DCAF17: variants seen among roughly 807,000 people sequenced by gnomAD.
DCAF17 encodes the protein DDB1- and CUL4-associated factor 17.
DCAF17 carries 48 observed loss-of-function variants against 66.0 expected under a neutral mutation model. The observed-to-expected ratio is 0.73, with a 90% confidence interval of 0.58 to 0.92. The LOEUF (loss-of-function observed/expected upper bound fraction) is 0.92, where lower values mean the gene tolerates loss of function less well. DCAF17 is among the 40% of genes least tolerant of loss of function. DCAF17 has a pLI of 0.00. For missense variants in DCAF17, 562 were observed against 622.8 expected (o/e 0.90, Z 1.04); for synonymous variants, 206 against 214.6 (o/e 0.96, Z 0.35).
chr2:171,466,680 G>A (rs1265230474), intron 8 of DCAF17, among the ~76,000 whole-genome samples: 1 of 149,584 alleles, frequency 6.7e-6, no homozygotes, highest in Non-Finnish European at 1.5e-5. Flanking sequence ...GTCATTTTTT[G>A]CATTTACTGG....
chr2:171,439,275 G>T (rs903921617), intron 2 of DCAF17, among the ~76,000 whole-genome samples: 12 of 151,124 alleles, frequency 7.9e-5, no homozygotes, highest in Non-Finnish European at 1.6e-4. Context: ...TCTTCCTTCT[G>T]GTATTCCCAT....
At chr2:171,448,643 A>G (rs1380319002) in intron 3 of DCAF17, 38 bp from the exon 4 acceptor site, 1 of 1,520,064 alleles carries the variant, frequency 6.6e-7, no homozygotes, top group Non-Finnish European at 8.8e-7. Context: ...GTTCATGGCC[A>G]AGCAGTTTCA....
intron 5 of DCAF17, 121 bp downstream of exon 5, chr2:171,450,078 C>A: frequency 1.2e-6 from 1 of 839,988 alleles, no homozygotes; most frequent in Non-Finnish European, 2.0e-6. Context: ...AGATAGGATT[C>A]ACGGCAACCT....
intron 2 of DCAF17, 136 bp downstream of exon 2, chr2:171,435,322 T>TA: frequency 4.3e-6 from 3 of 698,272 alleles, no homozygotes; most frequent in East Asian, 2.7e-5. Context: ...GACTAGGCAG[T>TA]AAAAAATGCA....
intron 2 of DCAF17, 98 bp from the exon 3 acceptor site, chr2:171,443,425 G>A (rs1358877703): frequency 2.2e-6 from 2 of 900,152 alleles, no homozygotes; most frequent in Non-Finnish European, 3.5e-6. Context: ...ATTGTGCCTT[G>A]GTATTTCACA....
chr2:171,461,084 G>A (rs973573008), intron 8 of DCAF17, among the ~76,000 whole-genome samples: 1 of 152,094 alleles, frequency 6.6e-6, no homozygotes, highest in Admixed American at 6.6e-5. Flanking sequence ...TATACAAATA[G>A]TATTTATTTT....
chr2:171,446,024 G>A (rs1040579225), intron 3 of DCAF17, among the ~76,000 whole-genome samples: 34 of 151,962 alleles, frequency 2.2e-4, no homozygotes, highest in Admixed American at 1.5e-3. Context: ...TAGATAAGAC[G>A]TTGTAGAATA....
intron 5 of DCAF17, 84 bp from the exon 6 acceptor site, chr2:171,453,040 C>A (rs1695042675): frequency 1.1e-6 from 1 of 930,294 alleles, no homozygotes; most frequent in Admixed American, 2.2e-5. Flanking sequence ...CATGCTAGAA[C>A]AGATGGATTT....
Position 171,453,115 on chromosome 2 carries a change from T to C in DCAF17, c.538-9T>C, listed in dbSNP as rs984927195. On this transcript the variant is annotated splice_polypyrimidine_tract_variant and intron_variant, in intron 5 of 13. Coordinates refer to ENST00000375255, the MANE Select transcript of DCAF17 (RefSeq NM_025000.4). ...GAGAGCTGCGTGTAATTGTAGTCTT[T>C]CCTTCTAGGCAGGCATTCAACAACA... The C allele has an allele frequency of 6.3e-7, 1 of 1,594,272 alleles. No homozygotes were observed. The highest frequency in any genetic ancestry group is 1.2e-5 in the South Asian group (1 of 86,688).
chr2:171,451,616 G>A (rs555570887), intron 5 of DCAF17, among the ~76,000 whole-genome samples: 2 of 152,242 alleles, frequency 1.3e-5, no homozygotes, highest in African/African-American at 4.8e-5. Flanking sequence ...TCGCTTTGTT[G>A]CCAGGCTAGA....
chr2:171,449,244 G>C (rs1694813180), intron 4 of DCAF17, among the ~76,000 whole-genome samples: 1 of 152,174 alleles, frequency 6.6e-6, no homozygotes, highest in African/African-American at 2.4e-5. Flanking sequence ...CTGACCTCAA[G>C]TGATCTGCCC....
chr2:171,434,690 C>T lies in DCAF17; in HGVS notation c.113C>T (p.Ala38Val). The T allele has an allele frequency of 6.7e-7, 1 of 1,495,190 alleles. No individual in the cohort carries two copies. The allele number at this position is 1,495,190 out of a possible 1,614,324, so 92.6% of individuals were successfully genotyped here. A position where few individuals can be genotyped will look rare whatever the true frequency, so the allele number is the denominator to read the frequency against. ...VQRTNLGILRALVCQESTKFK... is the reference protein window; with the variant it reads ...VQRTNLGILRVLVCQESTKFK... ...AGGACCAACCTGGGCATCCTGCGGGCGCTGGTGTGCCAGGTGACCGCCAGC... is the reference window on the plus strand; with the variant it reads ...AGGACCAACCTGGGCATCCTGCGGGTGCTGGTGTGCCAGGTGACCGCCAGC... Residue 38 changes from alanine (A) to valine (V), a missense_variant, in exon 1 of 14, where the codon GCG becomes GTG. Transcript: ENST00000375255.
Position 171,468,976 on chromosome 2 carries a change from T to C in DCAF17, c.927T>C (p.Asn309=). Reference sequence around the variant, plus strand: ...CTTGGCACTACATCGTCACACCTAATAAGAAGAAACAGAAAGGAGTTTTCC... The same window carrying C: ...CTTGGCACTACATCGTCACACCTAACAAGAAGAAACAGAAAGGAGTTTTCC... The part of the protein sequence containing the change: ...GHPWHYIVTP[N]KKKQKGVFHI... The change falls in exon 9 of 14, where the codon AAT becomes AAC. Residue 309 remains asparagine (N), a synonymous_variant. Transcript: ENST00000375255. The C allele has an allele frequency of 1.9e-6, 3 of 1,614,062 alleles. No homozygotes were observed. The highest frequency in any genetic ancestry group is 2.5e-6 in the Non-Finnish European group (3 of 1,179,980).
chr2:171,456,869 G>T (rs566558838), intron 6 of DCAF17, among the ~76,000 whole-genome samples: 4 of 152,224 alleles, frequency 2.6e-5, no homozygotes, highest in African/African-American at 9.6e-5. Context: ...ATCAGTTTAA[G>T]AAGCTTTTGG....
rs74268270 is a variant in DCAF17 at position 171,466,727 on chromosome 2, GTTT to G, written c.839-2148_839-2146del. Among the ~76,000 whole-genome samples the G allele has an allele frequency of 4.1e-3, 542 of 133,632 alleles. 5 individuals carry two copies. The highest frequency in any genetic ancestry group is 0.013 in the African/African-American group (472 of 36,564). The allele number at this position is 133,632 out of a possible 152,430, so 87.7% of individuals were successfully genotyped here. Reference sequence around the variant, plus strand: ...CTTTTTAAGTACATCTGTTTGTACTGTTTTTTTTTTTTTTTCTATTTTGAATTC... The same window carrying G: ...CTTTTTAAGTACATCTGTTTGTACTGTTTTTTTTTTTTCTATTTTGAATTC... On this transcript the variant is annotated intron_variant, in intron 8 of 13. Transcript: ENST00000375255.
intron 3 of DCAF17, among the ~76,000 whole-genome samples, chr2:171,445,692 TA>T (rs1352073986): frequency 4.6e-5 from 7 of 152,310 alleles, no homozygotes; most frequent in African/African-American, 1.4e-4. Context: ...TTTTTTAATA[TA>T]TTTTTTTAAG....
At chr2:171,460,949 A>G (rs1695552421) in intron 8 of DCAF17, among the ~76,000 whole-genome samples, 1 of 152,174 alleles carries the variant, frequency 6.6e-6, no homozygotes, top group African/African-American at 2.4e-5. Flanking sequence ...AAAATAATTC[A>G]ATGATTTTTG....
At chr2:171,464,910 T>C (rs1695806611) in intron 8 of DCAF17, among the ~76,000 whole-genome samples, 2 of 152,044 alleles carry the variant, frequency 1.3e-5, no homozygotes, top group Admixed American at 1.3e-4. Flanking sequence ...AGAACTAAAG[T>C]ATGGGCCAGG....
rs1695013180 is a variant in DCAF17 at position 171,452,519 on chromosome 2, T to C, written c.538-605T>C. 4.6e-5 allele frequency among the ~76,000 whole-genome samples: 7 copies of C among 152,224 alleles called. No individual in the cohort carries two copies. The South Asian group carries it at 1.4e-3, about 32-fold the overall frequency. On this transcript the variant is annotated intron_variant, in intron 5 of 13. Transcript: ENST00000375255. ...CCCAGGCTGGAGTGCAATGGCTTGA[T>C]CAGAGTTCACTGCAGCTTCAAACTC...
Sources: allele counts gnomAD v4.1 joint callset (sites outside exome capture counted in the v4.1 genomes callset), GRCh38; gene constraint gnomAD v4.1.1; transcripts MANE v1.5; gene names NCBI Gene and HGNC (gene_info 2026-07-23, HGNC 2026-07-21).